Variants in KRT76 observed in about 807,000 individuals in gnomAD.
KRT76 encodes the protein keratin, type II cytoskeletal 2 oral.
In KRT76, 47 loss-of-function variants were observed where a neutral mutation model predicts 44.9. The observed-to-expected ratio is 1.05, with a 90% CI of 0.83 to 1.33. The LOEUF (loss-of-function observed/expected upper bound fraction) is 1.33, where lower values mean the gene tolerates loss of function less well. Ranked by LOEUF, KRT76 falls within the 40% of genes most tolerant of loss-of-function variation. The pLI is 0.00. For synonymous variants in KRT76, 331 were observed against 294.1 expected, an observed-to-expected ratio of 1.13 and a Z score of -1.28; for missense variants, 860 against 775.8, an observed-to-expected ratio of 1.11 and a Z score of -1.29.
Position 52,772,855 on chromosome 12 carries a change from G to A in KRT76, c.900C>T (p.Asn300=), listed in dbSNP as rs1248245421. The A allele has an allele frequency of 6.2e-7, 1 of 1,613,900 alleles. No homozygotes were observed. Among genetic ancestry groups the A allele is most frequent in the African/African-American group, 1.3e-5 (1 of 74,904 alleles). The change falls in exon 4 of 9, where the codon AAC becomes AAT. Residue 300 remains asparagine, a synonymous_variant. Coordinates refer to ENST00000332411, the MANE Select transcript of KRT76 (RefSeq NM_015848.4). ...LKKDVDAAFM[N]KVELQAKVDS... is the part of the protein sequence containing the mutation. ...CCACTTTGGCCTGCAGCTCCACCTT[G>A]TTCATGAAAGCCGCATCCACATCCT...
intron 6 of KRT76, 140 bp downstream of exon 6, chr12:52,771,731 G>C: frequency 7.7e-6 from 8 of 1,041,404 alleles, no homozygotes; most frequent in Non-Finnish European, 1.1e-5. Flanking sequence ...TGGGAGAACA[G>C]AGTTTCCCAG....
Position 52,776,871 on chromosome 12 carries a change from C to A in KRT76, c.421G>T (p.Gly141Cys), listed in dbSNP as rs1423388314. Residue 141 changes from glycine to cysteine, a missense_variant, in exon 1 of 9, where the codon GGT becomes TGT. Gly to Cys is a radical substitution (Grantham distance 159). Transcript: ENST00000332411. ...CCAGGGCCAAAGCCACCAGGACCACCAAAGCTGCCAGGCCCACCAAATACA... is the reference window on the plus strand; with the variant it reads ...CCAGGGCCAAAGCCACCAGGACCACAAAAGCTGCCAGGCCCACCAAATACA... The part of the protein sequence containing the change: ...PGVFGGPGSF[G>C]GPGGFGPGGF... 1 of 1,612,476 alleles carries A rather than the reference C, an allele frequency of 6.2e-7. No individual in the cohort carries two copies. The highest frequency in any genetic ancestry group is 8.5e-7 in the Non-Finnish European group (1 of 1,179,146).
Position 52,772,110 on chromosome 12 carries a change from G to A in KRT76, c.1121C>T (p.Ala374Val), listed in dbSNP as rs764918336. Reference protein sequence around the residue: ...IAQRSKSEAEALYQTKLGELQ... With the variant: ...IAQRSKSEAEVLYQTKLGELQ... ...GGTTCCCACCTTGGTCTGGTACAGG[G>A]CCTCAGCTTCAGACTTGCTCCTCTG... Residue 374 changes from alanine (A) to valine (V), a missense_variant, in exon 5 of 9, where the codon GCC (alanine) becomes GTC (valine). Physicochemically the swap from Ala to Val is moderately conservative, Grantham distance 64. Transcript: ENST00000332411. The A allele has an allele frequency of 2.5e-6, 4 of 1,611,270 alleles. No homozygotes were observed. The highest frequency in any genetic ancestry group is 1.1e-5 in the South Asian group (1 of 90,358).
intron 2 of KRT76, among the ~76,000 whole-genome samples, chr12:52,775,054 T>C (rs1177853451): frequency 6.6e-6 from 1 of 152,226 alleles, no homozygotes; most frequent in Non-Finnish European, 1.5e-5. Context: ...AATACAGGAA[T>C]ACGCATTGTT....
chr12:52,770,414 A>G (rs910702798), intron 7 of KRT76, among the ~76,000 whole-genome samples: 2 of 152,178 alleles, frequency 1.3e-5, no homozygotes, highest in Non-Finnish European at 2.9e-5. Flanking sequence ...AACACTTGCT[A>G]AGACTTTATC....
At chr12:52,775,975 T>C (rs1939255526) in intron 1 of KRT76, among the ~76,000 whole-genome samples, 1 of 149,336 alleles carries the variant, frequency 6.7e-6, no homozygotes, top group Non-Finnish European at 1.5e-5. Flanking sequence ...ATAGGGATCC[T>C]TCAGAATACC....
intron 6 of KRT76, among the ~76,000 whole-genome samples, 174 bp from the exon 7 acceptor site, chr12:52,771,393 C>T (rs1327869524): frequency 6.6e-6 from 1 of 152,130 alleles, no homozygotes; most frequent in Non-Finnish European, 1.5e-5. Context: ...ATCTTTGTCC[C>T]ATTGAAATCA....
At position 52,770,971 on chromosome 12, in the gene KRT76, G is replaced by A. The variant is rs767772791; in HGVS notation, c.1484+28C>T. 8.1e-6 allele frequency: 13 copies of A among 1,613,188 alleles called. No individual in the cohort carries two copies. In the Admixed American group the frequency reaches 2.2e-4, roughly 27 times the overall value. On this transcript the variant is annotated intron_variant, in intron 7 of 8. Transcript: ENST00000332411. ...CAAAGGTCACTCTAAAACCATATCTGGAGAATGGTGATCCCATGGCCCCTC... is the reference window on the plus strand; with the variant it reads ...CAAAGGTCACTCTAAAACCATATCTAGAGAATGGTGATCCCATGGCCCCTC...
rs73310886 is a variant in KRT76, at chr12:52,769,207, G to A, written c.1520-97C>T. 0.024 allele frequency: 14,652 copies of A among 618,668 alleles called. 1,651 individuals are homozygous for A. The African/African-American group carries it at 0.24, about 10-fold the overall frequency. 38.3% of individuals were successfully genotyped at this position (618,668 alleles called of 1,614,324 possible). ...CCACCCTGCTTGGCCATGTGACTTC[G>A]AGAAAGATGCTAACTTATCTAATGC... On this transcript the variant is annotated intron_variant, in intron 8 of 8. Transcript: ENST00000332411.
At chr12:52,772,716 T>G (rs1012492883) in intron 4 of KRT76, 67 bp downstream of exon 4, 5 of 1,123,238 alleles carry the variant, frequency 4.5e-6, no homozygotes, top group Non-Finnish European at 6.8e-6. Context: ...TGTTTGGCTG[T>G]CCCCTAAAGT....
rs1162524781 is a variant in KRT76 at position 52,768,936 on chromosome 12, C to T, written c.1694G>A (p.Gly565Asp). Residue 565 changes from glycine to aspartate, a missense_variant, in exon 9 of 9, where the codon GGC (glycine) becomes GAC (aspartate). Physicochemically the swap from Gly to Asp is moderately conservative, Grantham distance 94. Transcript: ENST00000332411. ...GCTGCTACCCCTGCCCCCAGTGCTG[C>T]CACTGCTGACCCCTCCATAGCCACT... ...SGSGYGGVSS[G>D]STGGRGSSGS... The T allele has an allele frequency of 3.3e-6, 5 of 1,500,754 alleles. No homozygotes were observed. Among genetic ancestry groups the T allele is most frequent in the Non-Finnish European group, 4.6e-6 (5 of 1,084,796 alleles). The allele number at this position is 1,500,754 out of a possible 1,614,324, so 93.0% of individuals were successfully genotyped here. A position where few individuals can be genotyped will look rare whatever the true frequency, so the allele number is the denominator to read the frequency against.
rs1183824521 is a variant in KRT76 at position 52,772,853 on chromosome 12, T to A, written c.902A>T (p.Lys301Met). 3.7e-6 allele frequency: 6 copies of A among 1,614,088 alleles called. No homozygotes were observed. Among genetic ancestry groups the A allele is most frequent in the Non-Finnish European group, 5.1e-6 (6 of 1,179,944 alleles). Reference sequence around the variant, plus strand: ...GTCCACTTTGGCCTGCAGCTCCACCTTGTTCATGAAAGCCGCATCCACATC... The same window carrying A: ...GTCCACTTTGGCCTGCAGCTCCACCATGTTCATGAAAGCCGCATCCACATC... Reference protein sequence around the residue: ...KKDVDAAFMNKVELQAKVDSL... With the variant: ...KKDVDAAFMNMVELQAKVDSL... The change falls in exon 4 of 9, where the codon AAG becomes ATG. Residue 301 changes from lysine to methionine, a missense_variant. Coordinates refer to ENST00000332411, the MANE Select transcript of KRT76 (RefSeq NM_015848.4).
At position 52,776,824 on chromosome 12, in the gene KRT76, C is replaced by G. The variant is rs1939268458; in HGVS notation, c.468G>C (p.Gln156His). ...FGPGGFPGGI[Q>H]EVIVNQSLLQ... Reference sequence around the variant, plus strand: ...GGAGACTCTGGTTTACAATCACTTCCTGAATTCCCCCAGGAAAGCCCCCAG... The same window carrying G: ...GGAGACTCTGGTTTACAATCACTTCGTGAATTCCCCCAGGAAAGCCCCCAG... The change falls in exon 1 of 9, where the codon CAG becomes CAC. Residue 156 changes from glutamine to histidine, a missense_variant. Gln to His is a conservative substitution (Grantham distance 24). Coordinates refer to ENST00000332411, the MANE Select transcript of KRT76 (RefSeq NM_015848.4). 1.2e-6 allele frequency: 2 copies of G among 1,614,104 alleles called. No homozygotes were observed. Among genetic ancestry groups the G allele is most frequent in the Non-Finnish European group, 1.7e-6 (2 of 1,180,000 alleles).
chr12:52,776,950 A>G lies in KRT76; in HGVS notation c.342T>C (p.Ser114=). Reference sequence around the variant, plus strand: ...CAAAGCCACCAGCCCCTCCAAAACCACTACCTACTCCTCTGCCACCACCAA... The same window carrying G: ...CAAAGCCACCAGCCCCTCCAAAACCGCTACCTACTCCTCTGCCACCACCAA... ...GGFGGGRGVG[S]GFGGAGGFGG... is the part of the protein sequence containing the mutation. Residue 114 remains serine, a synonymous_variant, in exon 1 of 9, where the codon AGT becomes AGC. Transcript: ENST00000332411. 1 of 1,613,674 alleles carries G rather than the reference A, an allele frequency of 6.2e-7. No individual in the cohort carries two copies. The highest frequency in any genetic ancestry group is 8.5e-7 in the Non-Finnish European group (1 of 1,179,806).
intron 2 of KRT76, among the ~76,000 whole-genome samples, chr12:52,773,946 C>T (rs897350117): frequency 2.8e-4 from 43 of 151,892 alleles, no homozygotes; most frequent in African/African-American, 9.0e-4. Context: ...ATCCTCCTGC[C>T]TCAGACTCCC....
At chr12:52,772,954 T>A in intron 3 of KRT76, 76 bp from the exon 4 acceptor site, 2 of 999,912 alleles carry the variant, frequency 2.0e-6, no homozygotes, top group Non-Finnish European at 3.2e-6. Context: ...TAAGCCCTCA[T>A]GTCTCGTCTT....
rs1051361518 is a variant in KRT76, at chr12:52,768,508, A to G, written c.*205T>C. 3.8e-5 allele frequency: 21 copies of G among 548,168 alleles called. No individual in the cohort carries two copies. In the Admixed American group the frequency reaches 6.4e-4, roughly 17 times the overall value. 34.0% of individuals were successfully genotyped at this position (548,168 alleles called of 1,614,324 possible). ...CCATTGCAGGAAGGTTTCCAGGGGC[A>G]TCATCATCCCAGACCAGCAGCAGGA... On this transcript the variant is annotated 3_prime_UTR_variant, in exon 9 of 9. Coordinates refer to ENST00000332411, the MANE Select transcript of KRT76 (RefSeq NM_015848.4).
In KRT76 at chr12:52,772,185, TC is replaced by T; in HGVS notation, c.1045del (p.Asp349ThrfsTer46). The T allele has an allele frequency of 6.2e-7, 1 of 1,613,616 alleles. No individual in the cohort carries two copies. The highest frequency in any genetic ancestry group is 8.5e-7 in the Non-Finnish European group (1 of 1,179,720). On this transcript the variant is annotated frameshift_variant, in exon 5 of 9. Coordinates refer to ENST00000332411, the MANE Select transcript of KRT76 (RefSeq NM_015848.4). LOFTEE classifies it high-confidence loss of function. The stretch of plus-strand genomic sequence containing the variant: ...GACCTCGGCAATGATGCTGCCCAGG[TC>T]CAGGCAGCGGTTGTTGTCCATGGAC... ...VLSMDNNRCL[D>X]LGSIIAEVRA...
In KRT76 at chr12:52,768,871, C is replaced by A; in HGVS notation, c.1759G>T (p.Gly587Cys). The change falls in exon 9 of 9, where the codon GGT becomes TGT. Residue 587 changes from glycine to cysteine, a missense_variant. Transcript: ENST00000332411. ...QSSSSGSRLG[G>C]AGSISVSHSG... ...TGGCTCACGGAGATGCTACCTGCAC[C>A]GCCGAGCCTGCTCCCACTACTGCTG... 6.2e-7 allele frequency: 1 copy of A among 1,613,686 alleles called. No homozygotes were observed. The highest frequency in any genetic ancestry group is 1.1e-5 in the South Asian group (1 of 91,066).
Sources: gnomAD v4.1 joint callset for allele counts (sites outside exome capture counted in the v4.1 genomes callset) on GRCh38, gnomAD v4.1.1 for gene constraint, MANE v1.5 for transcripts, NCBI Gene and HGNC (gene_info 2026-07-23, HGNC 2026-07-21) for gene names.